The following DGKB variants were observed in gnomAD, a reference collection of about 807,000 sequenced individuals.
DGKB encodes diacylglycerol kinase beta, also known as 90 kDa diacylglycerol kinase.
DGKB carries 67 observed loss-of-function variants against 114.3 expected under a neutral mutation model. The observed-to-expected ratio is 0.59, with a 90% CI of 0.48 to 0.72. The LOEUF is 0.72. Among genes scored for constraint, DGKB ranks in the 30% least tolerant of loss-of-function variants. DGKB has a pLI of 0.00. For missense variants in DGKB, 907 were observed against 975.2 expected (o/e 0.93, Z 0.93); for synonymous variants, 398 against 323.1 (o/e 1.23, Z -2.49).
intron 6 of DGKB, among the ~76,000 whole-genome samples, chr7:14,715,994 G>A (rs745336979): frequency 2.0e-5 from 3 of 152,100 alleles, no homozygotes; most frequent in Admixed American, 1.3e-4. Flanking sequence ...GGAAAGTGGC[G>A]GGAGGCACTG....
intron 1 of DGKB, among the ~76,000 whole-genome samples, chr7:14,858,627 C>T (rs1314646965): frequency 2.0e-5 from 3 of 151,906 alleles, no homozygotes; most frequent in Non-Finnish European, 4.4e-5. Context: ...CATTAGGTGG[C>T]AGAGCACCGT....
At chr7:14,509,849 A>T (rs1366853979) in intron 20 of DGKB, among the ~76,000 whole-genome samples, 1 of 152,198 alleles carries the variant, frequency 6.6e-6, no homozygotes. Flanking sequence ...AAAGTGAGTC[A>T]CACAAAATTT....
At position 14,786,542 on chromosome 7, in the gene DGKB, G is replaced by C. The variant is rs146521011; in HGVS notation, c.71-28811C>G. Among the ~76,000 whole-genome samples the C allele has an allele frequency of 2.4e-3, 369 of 152,320 alleles. 2 individuals carry two copies. The highest frequency in any genetic ancestry group is 8.6e-3 in the African/African-American group (359 of 41,568). ...GGGGGGAACCAGGAACAGGCGGAAG[G>C]CCTGTCCCCTTAAGAGTTGGTGGGC... On this transcript the variant is annotated intron_variant, in intron 2 of 25. Coordinates refer to ENST00000402815, the MANE Select transcript of DGKB (RefSeq NM_001350709.2).
intron 12 of DGKB, among the ~76,000 whole-genome samples, chr7:14,679,038 C>T (rs1820377399): frequency 6.6e-6 from 1 of 151,814 alleles, no homozygotes; most frequent in Non-Finnish European, 1.5e-5. Context: ...GTCAGTTGGG[C>T]TTAGGATTTA....
intron 7 of DGKB, among the ~76,000 whole-genome samples, chr7:14,699,085 G>C (rs1824636734): frequency 6.6e-6 from 1 of 151,192 alleles, no homozygotes; most frequent in Non-Finnish European, 1.5e-5. Flanking sequence ...GGGAAGCCGT[G>C]TTTCCCTCCG....
intron 16 of DGKB, among the ~76,000 whole-genome samples, chr7:14,610,009 T>C (rs1213986254): frequency 6.6e-6 from 1 of 152,014 alleles, no homozygotes; most frequent in Non-Finnish European, 1.5e-5. Context: ...AACCCAGCAA[T>C]CCCATTAGTG....
chr7:14,529,418 T>G (rs771497979), intron 20 of DGKB, among the ~76,000 whole-genome samples: 2 of 151,882 alleles, frequency 1.3e-5, no homozygotes, highest in African/African-American at 4.8e-5. Context: ...AAATAACTAC[T>G]TTTTTCTTGG....
intron 20 of DGKB, among the ~76,000 whole-genome samples, chr7:14,517,090 A>G (rs1298743289): frequency 1.3e-5 from 2 of 152,140 alleles, no homozygotes; most frequent in African/African-American, 4.8e-5. Context: ...TCCGCATGGT[A>G]CTGCTACAAA....
chr7:14,457,489 C>G (rs1007854052), intron 21 of DGKB, among the ~76,000 whole-genome samples: 4 of 152,142 alleles, frequency 2.6e-5, no homozygotes, highest in African/African-American at 9.7e-5. Flanking sequence ...TATATTAAAG[C>G]TATTATTTCT....
At chr7:14,882,164 G>T (rs1337998840) in intron 1 of DGKB, among the ~76,000 whole-genome samples, 1 of 152,074 alleles carries the variant, frequency 6.6e-6, no homozygotes, top group East Asian at 1.9e-4. Flanking sequence ...AGTTAAAAAA[G>T]TGAGAAAGTA....
intron 1 of DGKB, among the ~76,000 whole-genome samples, chr7:14,957,965 C>A (rs1040192661): frequency 6.6e-6 from 1 of 151,968 alleles, no homozygotes; most frequent in African/African-American, 2.4e-5. Flanking sequence ...AATAGAAATA[C>A]AACCTTGTTA....
At chr7:14,762,158 G>C (rs1341605692) in intron 2 of DGKB, among the ~76,000 whole-genome samples, 1 of 152,100 alleles carries the variant, frequency 6.6e-6, no homozygotes, top group African/African-American at 2.4e-5. Context: ...AATCAACTTA[G>C]AGCTGAAAAT....
chr7:14,713,362 C>A (rs1045993045), intron 6 of DGKB, among the ~76,000 whole-genome samples: 2 of 151,928 alleles, frequency 1.3e-5, no homozygotes, highest in African/African-American at 4.8e-5. Flanking sequence ...GCTGGAATTT[C>A]TTTAATTCAC....
chr7:14,267,782 C>A (rs2128425281), intron 23 of DGKB, among the ~76,000 whole-genome samples: 2 of 152,192 alleles, frequency 1.3e-5, no homozygotes, highest in Middle Eastern at 3.4e-3. Context: ...AGCCACCGTT[C>A]CCGGCCTATT....
chr7:14,300,618 T>C (rs1245926298), intron 23 of DGKB, among the ~76,000 whole-genome samples: 7 of 152,114 alleles, frequency 4.6e-5, no homozygotes, highest in African/African-American at 1.7e-4. Context: ...CTCTTAGTTT[T>C]ATATTTCCTC....
intron 12 of DGKB, among the ~76,000 whole-genome samples, chr7:14,676,141 T>G (rs1418795155): frequency 6.6e-6 from 1 of 151,724 alleles, no homozygotes; most frequent in Non-Finnish European, 1.5e-5. Context: ...AAAGCAAAAA[T>G]CAACAAAATT....
At chr7:14,491,588 C>A (rs1309267495) in intron 20 of DGKB, among the ~76,000 whole-genome samples, 1 of 151,912 alleles carries the variant, frequency 6.6e-6, no homozygotes, top group African/African-American at 2.4e-5. Flanking sequence ...GTTGCTAATG[C>A]CATTAGCATC....
intron 23 of DGKB, among the ~76,000 whole-genome samples, chr7:14,183,089 A>T (rs1584303890): frequency 6.6e-6 from 1 of 152,174 alleles, no homozygotes; most frequent in African/African-American, 2.4e-5. Context: ...CCATAGTAAG[A>T]CCAGGCTAGC....
At chr7:14,802,367 A>T (rs962212326) in intron 2 of DGKB, among the ~76,000 whole-genome samples, 8 of 152,294 alleles carry the variant, frequency 5.3e-5, no homozygotes, top group African/African-American at 1.9e-4. Context: ...ACAGTAGGCA[A>T]CAGTGAGTGT....
Sources: gnomAD v4.1 joint callset for allele counts (sites outside exome capture counted in the v4.1 genomes callset) on GRCh38, gnomAD v4.1.1 for gene constraint, MANE v1.5 for transcripts, NCBI Gene and HGNC (gene_info 2026-07-23, HGNC 2026-07-21) for gene names.